Variants in TMEM181 observed in about 807,000 individuals in gnomAD.
TMEM181 encodes G protein-coupled receptor 178.
In TMEM181, 39 loss-of-function variants were observed where a neutral mutation model predicts 71.9. The observed-to-expected ratio is 0.54, with a 90% CI of 0.42 to 0.71. TMEM181 has a LOEUF of 0.71. TMEM181 is among the 30% of genes least tolerant of loss of function. The probability of loss-of-function intolerance (pLI) is 0.00; values close to 1 mark genes in which losing one functional copy is unlikely to be tolerated. For missense variants in TMEM181, 595 were observed against 583.0 expected (o/e 1.02, Z -0.21); for synonymous variants, 245 against 228.8 (o/e 1.07, Z -0.64).
upstream of TMEM181, among the ~76,000 whole-genome samples, chr6:158,558,860 T>G (rs935082646): frequency 6.6e-6 from 1 of 152,104 alleles, no homozygotes; most frequent in Non-Finnish European, 1.5e-5. Flanking sequence ...TAGAACTCCC[T>G]CCGACTCACC....
intron 3 of TMEM181, among the ~76,000 whole-genome samples, chr6:158,582,437 A>G (rs1327376993): frequency 6.6e-6 from 1 of 152,226 alleles, no homozygotes; most frequent in African/African-American, 2.4e-5. Flanking sequence ...TGACAGAAGT[A>G]TTAAGACACA....
Position 158,632,344 on chromosome 6 carries a change from G to C in TMEM181, c.*456G>C, listed in dbSNP as rs1342842421. On this transcript the variant is annotated 3_prime_UTR_variant, in exon 17 of 17. Transcript: ENST00000684151. ...TTAAACTCAAAGGGAAGCCTTATCTGTGGCTGCTTCAGGGCAGTCCTTCCT... is the reference window on the plus strand; with the variant it reads ...TTAAACTCAAAGGGAAGCCTTATCTCTGGCTGCTTCAGGGCAGTCCTTCCT... 3.9e-5 allele frequency: 7 copies of C among 179,168 alleles called. No homozygotes were observed. Among genetic ancestry groups the C allele is most frequent in the Non-Finnish European group, 8.4e-5 (7 of 83,060 alleles). 11.1% of individuals were successfully genotyped at this position (179,168 alleles called of 1,614,324 possible).
At chr6:158,631,447 A>G in intron 16 of TMEM181, 58 bp downstream of exon 16, 3 of 1,517,370 alleles carry the variant, frequency 2.0e-6, no homozygotes, top group Non-Finnish European at 2.7e-6. Context: ...ACGGCCTTGC[A>G]TGTTTCTGAA....
At chr6:158,630,379 C>G (rs887327947) in intron 15 of TMEM181, among the ~76,000 whole-genome samples, 1 of 152,002 alleles carries the variant, frequency 6.6e-6, no homozygotes, top group African/African-American at 2.4e-5. Context: ...GCCTGTAGTC[C>G]TAGCTACTCG....
intron 13 of TMEM181, 31 bp downstream of exon 13, chr6:158,625,785 A>G (rs768810913): frequency 6.3e-7 from 1 of 1,590,818 alleles, no homozygotes; most frequent in Non-Finnish European, 8.6e-7. Context: ...GAAAACAGCA[A>G]AACGGAATTT....
At chr6:158,570,598 C>A (rs1195821516) in intron 1 of TMEM181, among the ~76,000 whole-genome samples, 7 of 152,020 alleles carry the variant, frequency 4.6e-5, no homozygotes, top group Admixed American at 3.3e-4. Flanking sequence ...AGTATACGTG[C>A]CCAAGATGCT....
intron 7 of TMEM181, among the ~76,000 whole-genome samples, chr6:158,605,995 G>A (rs1470826306): frequency 6.6e-6 from 1 of 152,206 alleles, no homozygotes; most frequent in African/African-American, 2.4e-5. Flanking sequence ...GCTTGTCCTT[G>A]TGCGGGATGG....
At chr6:158,549,110 CTTTTTTTTTTT>C (rs33969411) in intron 1 of TMEM181, among the ~76,000 whole-genome samples, 2 of 67,514 alleles carry the variant, frequency 3.0e-5, no homozygotes, top group Non-Finnish European at 5.5e-5. Flanking sequence ...GTGCACACTT[CTTTTTTTTTTT>C]TTTTTTTTTT....
At chr6:158,539,295 G>C (rs780583630) in intron 1 of TMEM181, among the ~76,000 whole-genome samples, 1 of 152,206 alleles carries the variant, frequency 6.6e-6, no homozygotes, top group African/African-American at 2.4e-5. Context: ...AGATGTTTTA[G>C]ATCACTGAAC....
intron 1 of TMEM181, among the ~76,000 whole-genome samples, chr6:158,543,620 A>G (rs529580375): frequency 3.3e-4 from 50 of 152,302 alleles, no homozygotes; most frequent in African/African-American, 9.9e-4. Context: ...GTAGATGTCT[A>G]TCATCTCCCT....
At chr6:158,606,929 C>T (rs927779185) in intron 7 of TMEM181, among the ~76,000 whole-genome samples, 4 of 152,334 alleles carry the variant, frequency 2.6e-5, no homozygotes, top group South Asian at 2.1e-4. Context: ...TTTTCCTCGC[C>T]GTGGTGGTGA....
At chr6:158,567,053 C>A (rs994761989) in intron 1 of TMEM181, among the ~76,000 whole-genome samples, 6 of 152,198 alleles carry the variant, frequency 3.9e-5, no homozygotes, top group African/African-American at 7.2e-5. Context: ...AGGGGACCTT[C>A]AGGGGACAGT....
chr6:158,589,187 A>G (rs1783955907), intron 5 of TMEM181, among the ~76,000 whole-genome samples: 1 of 152,194 alleles, frequency 6.6e-6, no homozygotes, highest in Admixed American at 6.5e-5. Context: ...AGCAGGATGG[A>G]GAGGAAAGAG....
At chr6:158,607,104 G>C in intron 7 of TMEM181, 140 bp from the exon 8 acceptor site, 1 of 681,356 alleles carries the variant, frequency 1.5e-6, no homozygotes, top group Non-Finnish European at 2.7e-6. Flanking sequence ...AATTCAGCCA[G>C]GGCTTAAGGC....
At position 158,560,144 on chromosome 6, in the gene TMEM181, G is replaced by GGCTGCC. The variant is rs1478053182; in HGVS notation, c.-73_-68dup. ...CCGCTGTCGCTCCGGCTCCGGCTGC[G>GGCTGCC]GCTGCCGCTGCCGAGGCTGCTGCGC... is the stretch of plus-strand genomic sequence containing the variant. On this transcript the variant is annotated 5_prime_UTR_variant, in exon 1 of 17. Coordinates refer to ENST00000684151, the MANE Select transcript of TMEM181 (RefSeq NM_001376852.1). 1.5e-3 allele frequency: 1,517 copies of GGCTGCC among 984,850 alleles called. 3 individuals carry two copies. The highest frequency in any genetic ancestry group is 1.7e-3 in the Non-Finnish European group (1,406 of 829,702). 61.0% of individuals were successfully genotyped at this position (984,850 alleles called of 1,614,324 possible).
At position 158,541,613 on chromosome 6, in the gene TMEM181, C is replaced by G. The variant is rs1227429835; in HGVS notation, c.131+4748C>G. 2.0e-5 allele frequency among the ~76,000 whole-genome samples: 3 copies of G among 152,162 alleles called. No homozygotes were observed. The East Asian group carries it at 5.8e-4, about 29-fold the overall frequency. Reference sequence around the variant, plus strand: ...GCTCACCTTGGCTCATGTTCCGTTTCCACGCCTCCATGCTGGCCAACCGTC... The same window carrying G: ...GCTCACCTTGGCTCATGTTCCGTTTGCACGCCTCCATGCTGGCCAACCGTC... On this transcript the variant is annotated intron_variant, in intron 1 of 16. Coordinates refer to the TMEM181 transcript ENST00000367090.
upstream of TMEM181, among the ~76,000 whole-genome samples, chr6:158,556,748 C>G (rs1423308046): frequency 6.9e-6 from 1 of 144,738 alleles, no homozygotes; most frequent in Non-Finnish European, 1.5e-5. Context: ...TTCTCTGGCT[C>G]TATTTGTCAG....
chr6:158,624,917 C>T (rs1461196437), intron 11 of TMEM181, among the ~76,000 whole-genome samples, 187 bp from the exon 12 acceptor site: 1 of 152,214 alleles, frequency 6.6e-6, no homozygotes, highest in Non-Finnish European at 1.5e-5. Context: ...CTCAGGGGAG[C>T]TGCCTGTGCT....
chr6:158,617,483 T>G (rs1411125011), intron 10 of TMEM181, among the ~76,000 whole-genome samples: 1 of 152,220 alleles, frequency 6.6e-6, no homozygotes, highest in Non-Finnish European at 1.5e-5. Context: ...CTCCTTCAGT[T>G]CTGCTCTGAT....
Sources: gnomAD v4.1 joint callset for allele counts (sites outside exome capture counted in the v4.1 genomes callset) on GRCh38, gnomAD v4.1.1 for gene constraint, MANE v1.5 for transcripts, NCBI Gene and HGNC (gene_info 2026-07-23, HGNC 2026-07-21) for gene names.